Variants in B3GAT2 observed in about 807,000 individuals in gnomAD.
The protein encoded by B3GAT2 is beta-1,3-glucuronyltransferase 2, also known as galactosylgalactosylxylosylprotein 3-beta-glucuronosyltransferase 2.
A neutral mutation model predicts 27.8 loss-of-function variants in B3GAT2; 26 were observed. That is an observed-to-expected ratio of 0.93 (90% confidence interval 0.68 to 1.30). B3GAT2 has a LOEUF of 1.30. Among genes scored for constraint, B3GAT2 ranks in the 50% most tolerant of loss-of-function variants. B3GAT2 has a pLI of 0.00. For synonymous variants in B3GAT2, 218 were observed against 195.1 expected, an observed-to-expected ratio of 1.12 and a Z score of -0.98; for missense variants, 458 against 459.0, an observed-to-expected ratio of 1.00 and a Z score of 0.02.
chr6:70,937,687 T>A (rs1177025176), intron 1 of B3GAT2, among the ~76,000 whole-genome samples: 1 of 151,808 alleles, frequency 6.6e-6, no homozygotes, highest in Non-Finnish European at 1.5e-5. Flanking sequence ...AAAAGGCCTT[T>A]GACAAAATTC....
intron 1 of B3GAT2, among the ~76,000 whole-genome samples, chr6:70,938,485 A>G (rs1582394192): frequency 2.0e-5 from 3 of 151,862 alleles, no homozygotes; most frequent in Non-Finnish European, 4.4e-5. Flanking sequence ...GAGGCATCAC[A>G]CTACCTGACT....
intron 1 of B3GAT2, among the ~76,000 whole-genome samples, chr6:70,955,269 C>T (rs566390142): frequency 6.6e-6 from 1 of 151,930 alleles, no homozygotes; most frequent in East Asian, 1.9e-4. Flanking sequence ...AGTGTTTCTT[C>T]TAACAACCAT....
intron 2 of B3GAT2, among the ~76,000 whole-genome samples, chr6:70,885,687 A>T (rs142276657): frequency 5.7e-4 from 87 of 152,320 alleles, no homozygotes; most frequent in African/African-American, 2.1e-3. Context: ...TGCAGATTCA[A>T]ATATTCACAG....
chr6:70,911,718 C>T (rs898656569), intron 1 of B3GAT2, among the ~76,000 whole-genome samples: 2 of 152,148 alleles, frequency 1.3e-5, no homozygotes, highest in African/African-American at 4.8e-5. Context: ...AGCATTGAAT[C>T]TGTAAATTGC....
Position 70,860,170 on chromosome 6 carries a change from C to A in B3GAT2, c.*1493G>T, listed in dbSNP as rs767619021. The stretch of plus-strand genomic sequence containing the variant: ...CAAGAATTAAAAGTGAAGTAAGCCT[C>A]TTGAACTAAGCCTTTTATATGTTTC... On this transcript the variant is annotated 3_prime_UTR_variant, in exon 4 of 4. Transcript: ENST00000230053. 3.8e-6 allele frequency: 6 copies of A among 1,576,534 alleles called. No individual in the cohort carries two copies. In the East Asian group the frequency reaches 1.1e-4, roughly 30 times the overall value.
At chr6:70,864,531 T>C (rs1404344438) in intron 2 of B3GAT2, among the ~76,000 whole-genome samples, 1 of 152,202 alleles carries the variant, frequency 6.6e-6, no homozygotes, top group Non-Finnish European at 1.5e-5. Flanking sequence ...ACCCAAGTGT[T>C]TTTCTATTCT....
At chr6:70,890,050 G>A (rs887260001) in intron 2 of B3GAT2, among the ~76,000 whole-genome samples, 2 of 152,046 alleles carry the variant, frequency 1.3e-5, no homozygotes, top group South Asian at 2.1e-4. Context: ...CCAAAGTGCC[G>A]AGATTATAGG....
rs1227535787 is a variant in B3GAT2 at position 70,860,672 on chromosome 6, G to A, written c.*991C>T. On this transcript the variant is annotated 3_prime_UTR_variant, in exon 4 of 4. Transcript: ENST00000230053. ...TATAAGGGAAGTAGTTATCATGTTA[G>A]TAATACCTCTAATAGTATAAACCCC... 2.4e-6 allele frequency: 1 copy of A among 416,054 alleles called. No individual in the cohort carries two copies. The highest frequency in any genetic ancestry group is 4.2e-6 in the Non-Finnish European group (1 of 236,030). 25.8% of individuals were successfully genotyped at this position (416,054 alleles called of 1,614,324 possible).
chr6:70,870,631 AAAACAAAC>A (rs559074778), intron 2 of B3GAT2, among the ~76,000 whole-genome samples: 12 of 152,112 alleles, frequency 7.9e-5, no homozygotes, highest in Admixed American at 1.3e-4. Context: ...AAATCTCTTA[AAAACAAAC>A]AAACAAACAA....
intron 1 of B3GAT2, among the ~76,000 whole-genome samples, chr6:70,936,412 A>T (rs1410201365): frequency 6.6e-6 from 1 of 152,054 alleles, no homozygotes; most frequent in Non-Finnish European, 1.5e-5. Context: ...CCTAATACAC[A>T]TCTAAAGAAC....
chr6:70,858,180 G>A lies in B3GAT2; in HGVS notation c.*3483C>T. On this transcript the variant is annotated 3_prime_UTR_variant, in exon 4 of 4. Transcript: ENST00000230053. ...GTGGGACAAATGGGTGCACCCCAGA[G>A]TAAGTTTGGCCTGCCGCAAGCTCAG... 3 of 1,612,394 alleles carry A rather than the reference G, an allele frequency of 1.9e-6. No individual in the cohort carries two copies. The highest frequency in any genetic ancestry group is 1.7e-6 in the Non-Finnish European group (2 of 1,179,296).
rs765372727 is a variant in B3GAT2 at position 70,860,005 on chromosome 6, T to G, written c.*1658A>C. ...AGTTGTGGTTAATCTTTGGGGAAACTGTATCTAGAAAGTAGATAAAGAAGG... is the reference window on the plus strand; with the variant it reads ...AGTTGTGGTTAATCTTTGGGGAAACGGTATCTAGAAAGTAGATAAAGAAGG... On this transcript the variant is annotated 3_prime_UTR_variant, in exon 4 of 4. Transcript: ENST00000230053. The G allele has an allele frequency of 9.9e-6, 5 of 506,908 alleles. No homozygotes were observed. The highest frequency in any genetic ancestry group is 1.6e-5 in the Non-Finnish European group (5 of 313,352). 31.4% of individuals were successfully genotyped at this position (506,908 alleles called of 1,614,324 possible).
intron 1 of B3GAT2, among the ~76,000 whole-genome samples, chr6:70,949,643 T>C (rs1364581483): frequency 9.2e-3 from 1,311 of 141,746 alleles, no homozygotes; most frequent in African/African-American, 0.017. Flanking sequence ...GAAGTCAGTG[T>C]GGTGATTCCT....
At chr6:70,914,756 A>G (rs1772740939) in intron 1 of B3GAT2, among the ~76,000 whole-genome samples, 1 of 115,316 alleles carries the variant, frequency 8.7e-6, no homozygotes, top group Admixed American at 1.0e-4. Context: ...ATAAAATTGA[A>G]TAACTTTTTT....
intron 2 of B3GAT2, among the ~76,000 whole-genome samples, chr6:70,868,919 C>G (rs191582668): frequency 6.6e-6 from 1 of 152,168 alleles, no homozygotes; most frequent in South Asian, 2.1e-4. Context: ...GTGTTTCCAC[C>G]TTTCCTGCCC....
intron 1 of B3GAT2, among the ~76,000 whole-genome samples, chr6:70,920,581 T>C (rs1772851630): frequency 6.6e-6 from 1 of 152,140 alleles, no homozygotes; most frequent in African/African-American, 2.4e-5. Context: ...CTTATTTCTT[T>C]ATCAAATTTG....
chr6:70,911,234 G>C (rs1582374777), intron 1 of B3GAT2, among the ~76,000 whole-genome samples: 1 of 152,208 alleles, frequency 6.6e-6, no homozygotes, highest in Non-Finnish European at 1.5e-5. Flanking sequence ...ATCTTTGCCA[G>C]GGACTATGTC....
At chr6:70,895,835 T>TC (rs943537740) in intron 1 of B3GAT2, among the ~76,000 whole-genome samples, 15 of 148,780 alleles carry the variant, frequency 1.0e-4, no homozygotes, top group Non-Finnish European at 1.8e-4. Flanking sequence ...TTTTACAACT[T>TC]TTTTTTTTTT....
intron 1 of B3GAT2, among the ~76,000 whole-genome samples, chr6:70,908,471 C>A (rs1772636061): frequency 6.6e-6 from 1 of 152,012 alleles, no homozygotes; most frequent in Admixed American, 6.6e-5. Context: ...ATAAGTACAG[C>A]ATTTATGAGA....
Sources: allele counts gnomAD v4.1 joint callset (sites outside exome capture counted in the v4.1 genomes callset), GRCh38; gene constraint gnomAD v4.1.1; transcripts MANE v1.5; gene names NCBI Gene and HGNC (gene_info 2026-07-23, HGNC 2026-07-21).